Variants in TENM3 observed in about 807,000 individuals in gnomAD.
TENM3 encodes teneurin transmembrane protein 3, also known as teneurin-3.
TENM3 carries 63 observed loss-of-function variants against 255.1 expected under a neutral mutation model. The observed-to-expected ratio is 0.25, with a 90% CI of 0.20 to 0.30. The LOEUF is 0.30. Ranked by LOEUF, TENM3 falls within the 10% of genes least tolerant of loss-of-function variation. The probability of loss-of-function intolerance (pLI) is 1.00; values close to 1 mark genes in which losing one functional copy is unlikely to be tolerated. For missense variants in TENM3, 2,929 were observed against 3,461.1 expected, an observed-to-expected ratio of 0.85 and a Z score of 3.86; for synonymous variants, 1,306 against 1,322.3, an observed-to-expected ratio of 0.99 and a Z score of 0.27.
intron 3 of TENM3, among the ~76,000 whole-genome samples, chr4:182,516,910 G>C (rs138802504): frequency 6.6e-6 from 1 of 151,554 alleles, no homozygotes; most frequent in Non-Finnish European, 1.5e-5. Context: ...AAAAATGTAG[G>C]ATTATTGTAT....
the TENM3 span, among the ~76,000 whole-genome samples, chr4:181,641,753 G>GGT: frequency 2.5e-5 from 2 of 80,830 alleles, no homozygotes; most frequent in South Asian, 3.8e-4. Context: ...AAAATACCAT[G>GGT]GTGTGTATAT....
the TENM3 span, among the ~76,000 whole-genome samples, chr4:181,617,705 A>G: frequency 2.6e-5 from 4 of 152,328 alleles, no homozygotes; most frequent in East Asian, 3.9e-4. Context: ...GACTAGAAAT[A>G]TGGAACACCT....
At chr4:182,237,769 A>C (rs911573740) in intron 1 of TENM3, among the ~76,000 whole-genome samples, 9 of 152,218 alleles carry the variant, frequency 5.9e-5, no homozygotes, top group Admixed American at 5.2e-4. Flanking sequence ...TGAATATTCA[A>C]ACTTATGGAG....
At chr4:182,448,629 G>T (rs1773140317) in intron 3 of TENM3, among the ~76,000 whole-genome samples, 1 of 152,118 alleles carries the variant, frequency 6.6e-6, no homozygotes, top group East Asian at 1.9e-4. Flanking sequence ...GCGAAGCCCC[G>T]CCGAGGAACA....
At chr4:181,976,702 C>T in the TENM3 span, among the ~76,000 whole-genome samples, 4 of 152,120 alleles carry the variant, frequency 2.6e-5, no homozygotes, top group Non-Finnish European at 5.9e-5. Flanking sequence ...ATTATACAGA[C>T]ACAAATTAAT....
the TENM3 span, among the ~76,000 whole-genome samples, chr4:182,095,110 A>AC: frequency 6.6e-6 from 1 of 152,238 alleles, no homozygotes; most frequent in Non-Finnish European, 1.5e-5. Context: ...CGTGGAAAAC[A>AC]GTATGGAGAT....
intron 3 of TENM3, among the ~76,000 whole-genome samples, chr4:182,537,804 T>A (rs992916380): frequency 1.3e-5 from 2 of 152,228 alleles, no homozygotes; most frequent in Admixed American, 1.3e-4. Flanking sequence ...TTGTTCATGC[T>A]GCAGCGTGTT....
At chr4:181,782,579 T>C in the TENM3 span, among the ~76,000 whole-genome samples, 1 of 151,188 alleles carries the variant, frequency 6.6e-6, no homozygotes, top group African/African-American at 2.5e-5. Flanking sequence ...AGCTCCTGGA[T>C]ACATTGATTT....
chr4:181,721,531 C>T, the TENM3 span, among the ~76,000 whole-genome samples: 12 of 60,878 alleles, frequency 2.0e-4, no homozygotes, highest in African/African-American at 4.6e-4. Context: ...ACCCGGGAGG[C>T]GGAGCTTGCA....
chr4:182,186,039 T>TTATA (rs71857031), intron 1 of TENM3, among the ~76,000 whole-genome samples: 20 of 152,092 alleles, frequency 1.3e-4, no homozygotes, highest in Admixed American at 1.2e-3. Flanking sequence ...TAGGCTTCCT[T>TTATA]TATATATATA....
Position 182,161,791 on chromosome 4 carries a change from A to ATG in TENM3, c.-76+17039_-76+17040dup, listed in dbSNP as rs374327491. On this transcript the variant is annotated intron_variant, in intron 1 of 2. Transcript: ENST00000512480. ...TGTGTATATATATATACACAAATAT[A>ATG]TGTATATATATACACATATATATGT... Among the ~76,000 whole-genome samples, 203 of 34,288 alleles carry ATG rather than the reference A, an allele frequency of 5.9e-3. 73 individuals carry two copies. Among genetic ancestry groups the ATG allele is most frequent in the South Asian group, 7.4e-3 (5 of 676 alleles). 22.5% of individuals were successfully genotyped at this position (34,288 alleles called of 152,430 possible).
At chr4:182,160,293 C>T (rs532297669) in intron 1 of TENM3, among the ~76,000 whole-genome samples, 2 of 152,068 alleles carry the variant, frequency 1.3e-5, no homozygotes, top group Admixed American at 6.6e-5. Context: ...TGAGCCACCG[C>T]GCCCGCCTAT....
Position 182,694,642 on chromosome 4 carries a change from A to G in TENM3, c.2221+6291A>G, listed in dbSNP as rs924086107. 3.3e-5 allele frequency among the ~76,000 whole-genome samples: 5 copies of G among 152,238 alleles called. 1 individual carries two copies. The highest frequency in any genetic ancestry group is 7.3e-5 in the Non-Finnish European group (5 of 68,048). On this transcript the variant is annotated intron_variant, in intron 12 of 27. Transcript: ENST00000511685. ...AATTCTTAGTACATTAGGAAACAAG[A>G]TCATTAATGATCACAAAGACATGCT...
At chr4:182,022,991 G>A in the TENM3 span, among the ~76,000 whole-genome samples, 6 of 152,162 alleles carry the variant, frequency 3.9e-5, no homozygotes, top group Non-Finnish European at 5.9e-5. Context: ...CTGAGCAGAT[G>A]CGTTTTCCAC....
intron 1 of TENM3, among the ~76,000 whole-genome samples, chr4:182,200,633 C>A (rs1372725941): frequency 6.6e-6 from 1 of 152,040 alleles, no homozygotes; most frequent in South Asian, 2.1e-4. Flanking sequence ...TAAGAAAGAA[C>A]ACAGATTATA....
chr4:182,753,072 G>A lies in TENM3; in HGVS notation c.3863-378G>A, dbSNP rs111614540. ...AGCCATTCTTCTGCCTCAGCCTCCC[G>A]AATAGCTGGGACTACAGGCTCACAC... On this transcript the variant is annotated intron_variant, in intron 20 of 27. Transcript: ENST00000511685. 8.6e-4 allele frequency among the ~76,000 whole-genome samples: 128 copies of A among 149,322 alleles called. 2 individuals carry two copies. Among genetic ancestry groups the A allele is most frequent in the African/African-American group, 4.7e-4 (19 of 40,596 alleles).
At chr4:181,757,352 C>T in the TENM3 span, among the ~76,000 whole-genome samples, 1 of 152,062 alleles carries the variant, frequency 6.6e-6, no homozygotes, top group South Asian at 2.1e-4. Flanking sequence ...ACAAGGTTGC[C>T]CAGGGTCTGT....
the TENM3 span, among the ~76,000 whole-genome samples, chr4:181,651,899 G>T: frequency 6.6e-6 from 1 of 151,994 alleles, no homozygotes; most frequent in Non-Finnish European, 1.5e-5. Context: ...ATTGACTCTT[G>T]TACAAATGAA....
chr4:181,871,271 T>G, the TENM3 span, among the ~76,000 whole-genome samples: 1 of 152,056 alleles, frequency 6.6e-6, no homozygotes, highest in South Asian at 2.1e-4. Context: ...CAACTAGTCA[T>G]TTTCTATAAA....
Sources: gnomAD v4.1 joint callset for allele counts (sites outside exome capture counted in the v4.1 genomes callset) on GRCh38, gnomAD v4.1.1 for gene constraint, MANE v1.5 for transcripts, NCBI Gene and HGNC (gene_info 2026-07-23, HGNC 2026-07-21) for gene names.